The following COL4A6 variants were observed in gnomAD, a reference collection of about 807,000 sequenced individuals.
The protein encoded by COL4A6 is collagen type IV alpha 6 chain.
A neutral mutation model predicts 126.7 loss-of-function variants in COL4A6; 59 were observed. That is an observed-to-expected ratio of 0.47 (90% CI 0.38 to 0.58). The LOEUF (loss-of-function observed/expected upper bound fraction) is 0.58. Ranked by LOEUF, COL4A6 falls within the 20% of genes least tolerant of loss-of-function variation. The pLI is 0.00. For synonymous variants in COL4A6, 547 were observed against 496.6 expected (o/e 1.10, Z -1.35); for missense variants, 1,285 against 1,337.3 (o/e 0.96, Z 0.61).
At chrX:108,215,391 T>C (rs540438248) in intron 5 of COL4A6, among the ~76,000 whole-genome samples, 3 of 111,671 alleles carry the variant, frequency 2.7e-5, no homozygotes, top group African/African-American at 9.7e-5. Context: ...CAGACTCAGG[T>C]GATGATTTTT....
chrX:108,324,634 G>T (rs1284041116), intron 2 of COL4A6, among the ~76,000 whole-genome samples: 1 of 112,033 alleles, frequency 8.9e-6, no homozygotes, highest in Non-Finnish European at 1.9e-5. Flanking sequence ...AATATTTGGG[G>T]ATATACTTAT....
chrX:108,411,010 A>G (rs1259676060), intron 2 of COL4A6, among the ~76,000 whole-genome samples: 1 of 112,809 alleles, frequency 8.9e-6, no homozygotes, highest in Non-Finnish European at 1.9e-5. Context: ...CATAGGAAGA[A>G]GGCAGAAATG....
At chrX:108,227,450 A>G (rs1376464419) in intron 3 of COL4A6, among the ~76,000 whole-genome samples, 3 of 110,677 alleles carry the variant, frequency 2.7e-5, no homozygotes, top group Admixed American at 1.9e-4. Context: ...TCAGGCCACA[A>G]CTTGGTTTTG....
intron 17 of COL4A6, 110 bp downstream of exon 17, chrX:108,193,518 A>C: frequency 1.5e-6 from 1 of 653,014 alleles, no homozygotes; most frequent in Non-Finnish European, 2.4e-6. Flanking sequence ...TGGGTGTGTC[A>C]AGTTTAGCAA....
At chrX:108,347,550 A>C (rs2039737274) in intron 2 of COL4A6, among the ~76,000 whole-genome samples, 1 of 111,544 alleles carries the variant, frequency 9.0e-6, no homozygotes, top group Non-Finnish European at 1.9e-5. Context: ...TGAGACTCAC[A>C]GCCAAAAGCA....
intron 2 of COL4A6, among the ~76,000 whole-genome samples, chrX:108,387,033 T>C (rs2040715954): frequency 9.0e-6 from 1 of 111,618 alleles, no homozygotes; most frequent in African/African-American, 3.3e-5. Context: ...TGTAGATATG[T>C]GGTGTTATTT....
intron 2 of COL4A6, among the ~76,000 whole-genome samples, chrX:108,400,032 C>T (rs1244126634): frequency 9.2e-6 from 1 of 108,683 alleles, no homozygotes; most frequent in African/African-American, 3.5e-5. Flanking sequence ...GACTACATGG[C>T]TGCCAATAAA....
intron 2 of COL4A6, among the ~76,000 whole-genome samples, chrX:108,323,444 T>C (rs1182779975): frequency 2.7e-5 from 3 of 111,935 alleles, no homozygotes; most frequent in Non-Finnish European, 3.8e-5. Flanking sequence ...GATGTGATTG[T>C]TCTGTCTTCA....
At chrX:108,169,107 C>T (rs1164222418) in intron 37 of COL4A6, among the ~76,000 whole-genome samples, 1 of 111,262 alleles carries the variant, frequency 9.0e-6, no homozygotes, top group Non-Finnish European at 1.9e-5. Flanking sequence ...ACTGTCTTCC[C>T]AGGGCCCTGG....
chrX:108,401,480 T>C (rs1307344478), intron 2 of COL4A6, among the ~76,000 whole-genome samples: 2 of 110,680 alleles, frequency 1.8e-5, no homozygotes, highest in African/African-American at 6.5e-5. Flanking sequence ...TAGGTTACGA[T>C]AGCATAATAT....
At chrX:108,257,960 T>C (rs1465253793) in intron 3 of COL4A6, among the ~76,000 whole-genome samples, 1 of 111,343 alleles carries the variant, frequency 9.0e-6, no homozygotes, top group African/African-American at 3.3e-5. Context: ...TATATGAAAA[T>C]AGGGAAGGGA....
At chrX:108,359,167 T>A (rs1204576753) in intron 2 of COL4A6, among the ~76,000 whole-genome samples, 1 of 112,306 alleles carries the variant, frequency 8.9e-6, no homozygotes, top group African/African-American at 3.2e-5. Context: ...CTTCTCCACC[T>A]CGTAAAAAAT....
intron 13 of COL4A6, 25 bp from the exon 14 acceptor site, chrX:108,196,604 T>C (rs2035225393): frequency 8.8e-7 from 1 of 1,140,191 alleles, no homozygotes; most frequent in East Asian, 3.2e-5. Flanking sequence ...AAACCACAAG[T>C]TATAACGTTT....
At chrX:108,283,732 G>C (rs1259784511) in intron 3 of COL4A6, among the ~76,000 whole-genome samples, 6 of 111,083 alleles carry the variant, frequency 5.4e-5, no homozygotes, top group African/African-American at 2.0e-4. Context: ...TTTACAGCTG[G>C]AGCACTTAAG....
At chrX:108,287,996 C>A (rs1024817047) in intron 3 of COL4A6, among the ~76,000 whole-genome samples, 1 of 111,903 alleles carries the variant, frequency 8.9e-6, no homozygotes, top group African/African-American at 3.2e-5. Flanking sequence ...CATTGTTTTC[C>A]TTTTGTCTGG....
At chrX:108,351,685 G>A (rs937928527) in intron 2 of COL4A6, among the ~76,000 whole-genome samples, 1 of 111,372 alleles carries the variant, frequency 9.0e-6, no homozygotes, top group Non-Finnish European at 1.9e-5. Flanking sequence ...TCAACAGGAA[G>A]CTTTGCTTGT....
intron 2 of COL4A6, among the ~76,000 whole-genome samples, chrX:108,400,785 CT>C (rs1429244488): frequency 9.0e-6 from 1 of 111,162 alleles, no homozygotes; most frequent in African/African-American, 3.3e-5. Context: ...TGAATTAAGC[CT>C]TTCTTTTACT....
intron 2 of COL4A6, among the ~76,000 whole-genome samples, chrX:108,395,277 G>A (rs760746477): frequency 1.3e-4 from 14 of 111,835 alleles, no homozygotes; most frequent in African/African-American, 4.5e-4. Flanking sequence ...TACCTCTGGA[G>A]CATCAGATTC....
chrX:108,403,245 T>TGCAAAGATTAG (rs2041131681), intron 2 of COL4A6, among the ~76,000 whole-genome samples: 1 of 16,360 alleles, frequency 6.1e-5, no homozygotes, highest in Non-Finnish European at 2.1e-4. Context: ...TCTCTCTCTC[T>TGCAAAGATTAG]CTCTCTCTCT....
Sources: allele counts gnomAD v4.1 joint callset (sites outside exome capture counted in the v4.1 genomes callset), GRCh38; gene constraint gnomAD v4.1.1; transcripts MANE v1.5; gene names NCBI Gene and HGNC (gene_info 2026-07-23, HGNC 2026-07-21).